The following ANO4 variants were observed in gnomAD, a reference collection of about 807,000 sequenced individuals.
ANO4 encodes anoctamin-4.
In ANO4, 69 loss-of-function variants were observed where a neutral mutation model predicts 141.9. The ratio of observed to expected loss-of-function variants is 0.49; its 90% CI spans 0.40 to 0.59. The LOEUF (loss-of-function observed/expected upper bound fraction) is 0.59, where lower values mean the gene tolerates loss of function less well. Ranked by LOEUF, ANO4 falls within the 20% of genes least tolerant of loss-of-function variation. The probability of loss-of-function intolerance (pLI) is 0.00; values close to 1 mark genes in which losing one functional copy is unlikely to be tolerated. For missense variants in ANO4, 894 were observed against 1,162.2 expected (o/e 0.77, Z 3.36); for synonymous variants, 350 against 394.3 (o/e 0.89, Z 1.33).
At chr12:100,975,995 T>C (rs1169708288) in intron 7 of ANO4, among the ~76,000 whole-genome samples, 1 of 148,588 alleles carries the variant, frequency 6.7e-6, no homozygotes, top group African/African-American at 2.5e-5. Context: ...CTTTGTATCC[T>C]CCGAAAGCTT....
intron 14 of ANO4, among the ~76,000 whole-genome samples, chr12:101,074,141 T>C (rs866883654): frequency 1.3e-5 from 2 of 152,200 alleles, no homozygotes; most frequent in African/African-American, 4.8e-5. Context: ...AATGCCTATG[T>C]TCATTAAGAT....
intron 1 of ANO4, among the ~76,000 whole-genome samples, chr12:100,844,890 A>G (rs1009976266): frequency 6.6e-6 from 1 of 152,068 alleles, no homozygotes; most frequent in Non-Finnish European, 1.5e-5. Flanking sequence ...GAGAGAAGAA[A>G]AGAGGACCCA....
chr12:100,872,886 G>A (rs1334642502), intron 1 of ANO4, among the ~76,000 whole-genome samples: 1 of 152,226 alleles, frequency 6.6e-6, no homozygotes, highest in Non-Finnish European at 1.5e-5. Flanking sequence ...TAATCCCAGT[G>A]TTGGAGGAGG....
At chr12:100,746,606 G>A (rs2032122469) in intron 3 of ANO4, among the ~76,000 whole-genome samples, 1 of 152,142 alleles carries the variant, frequency 6.6e-6, no homozygotes, top group South Asian at 2.1e-4. Flanking sequence ...AGATATTTTT[G>A]GTTGACACAA....
chr12:100,952,861 T>A (rs1385998838), intron 5 of ANO4, among the ~76,000 whole-genome samples: 1 of 152,172 alleles, frequency 6.6e-6, no homozygotes, highest in Non-Finnish European at 1.5e-5. Context: ...TGTTGCCAGG[T>A]CAAGATGACC....
intron 9 of ANO4, among the ~76,000 whole-genome samples, chr12:101,034,340 G>A (rs2047106468): frequency 6.6e-6 from 1 of 152,138 alleles, no homozygotes; most frequent in Non-Finnish European, 1.5e-5. Context: ...CCTATGCAGG[G>A]ACATGTATGA....
At chr12:100,857,832 A>G (rs2038261647) in intron 1 of ANO4, among the ~76,000 whole-genome samples, 1 of 152,158 alleles carries the variant, frequency 6.6e-6, no homozygotes, top group Admixed American at 6.5e-5. Flanking sequence ...CATCACTCTG[A>G]AAGAATTTTC....
intron 2 of ANO4, among the ~76,000 whole-genome samples, chr12:100,918,019 A>G (rs1284132792): frequency 6.6e-6 from 1 of 152,212 alleles, no homozygotes; most frequent in East Asian, 1.9e-4. Flanking sequence ...ACATGTCTTT[A>G]AAGTTATAAA....
intron 5 of ANO4, among the ~76,000 whole-genome samples, chr12:100,945,235 A>G (rs2042677357): frequency 6.6e-6 from 1 of 152,232 alleles, no homozygotes; most frequent in Admixed American, 6.5e-5. Context: ...TAACATCCTT[A>G]TCTCTTTAAC....
chr12:100,736,673 TAGTTA>T lies in ANO4; in HGVS notation c.106+2824_106+2828del, dbSNP rs368903721. On this transcript the variant is annotated intron_variant, in intron 2 of 29. Transcript: ENST00000644049. Reference sequence around the variant, plus strand: ...TTTGGAAATAGGGTCTTTGCAGGTGTAGTTAAGTTAAGATGAGGTCATCTGGACTA... The same window carrying T: ...TTTGGAAATAGGGTCTTTGCAGGTGTAGTTAAGATGAGGTCATCTGGACTA... 1.3e-4 allele frequency among the ~76,000 whole-genome samples: 20 copies of T among 152,182 alleles called. No individual in the cohort carries two copies. The East Asian group carries it at 3.7e-3, about 28-fold the overall frequency.
chr12:101,092,673 T>A lies in ANO4; in HGVS notation c.1702-1583T>A, dbSNP rs528391375. 5.9e-5 allele frequency among the ~76,000 whole-genome samples: 9 copies of A among 152,322 alleles called. No homozygotes were observed. The South Asian group carries it at 1.0e-3, about 18-fold the overall frequency. On this transcript the variant is annotated intron_variant, in intron 17 of 27. Coordinates refer to ENST00000392977, the MANE Select transcript of ANO4 (RefSeq NM_001286615.2). The stretch of plus-strand genomic sequence containing the variant: ...TACTGTGTCCCTGTATGCTTTACCT[T>A]ATTTTTCACAAGGTTAATATTACTC...
intron 7 of ANO4, among the ~76,000 whole-genome samples, chr12:100,975,107 G>A (rs980875397): frequency 6.6e-6 from 1 of 152,016 alleles, no homozygotes; most frequent in Non-Finnish European, 1.5e-5. Context: ...TTCCCACTTG[G>A]GGGGATTGCC....
At chr12:100,909,211 A>G (rs528254912) in intron 2 of ANO4, among the ~76,000 whole-genome samples, 1 of 152,336 alleles carries the variant, frequency 6.6e-6, no homozygotes, top group East Asian at 1.9e-4. Flanking sequence ...CTATTTGACT[A>G]TCTGGAATGA....
intron 1 of ANO4, among the ~76,000 whole-genome samples, chr12:100,723,377 C>G (rs116752519): frequency 6.6e-6 from 1 of 152,044 alleles, no homozygotes; most frequent in South Asian, 2.1e-4. Flanking sequence ...GGCCTGTTTC[C>G]TGGCTTGTAG....
chr12:100,736,544 G>T (rs1344276314), intron 2 of ANO4, among the ~76,000 whole-genome samples: 3 of 152,116 alleles, frequency 2.0e-5, no homozygotes, highest in African/African-American at 7.2e-5. Flanking sequence ...GGCCTTCCCT[G>T]GTCCAGTCAG....
At chr12:101,121,017 T>A (rs1216214233) in intron 26 of ANO4, among the ~76,000 whole-genome samples, 1 of 152,184 alleles carries the variant, frequency 6.6e-6, no homozygotes, top group Non-Finnish European at 1.5e-5. Flanking sequence ...GGACCATAAT[T>A]TGGAAACATT....
chr12:100,725,482 G>T (rs983250145), intron 1 of ANO4, among the ~76,000 whole-genome samples: 3 of 151,912 alleles, frequency 2.0e-5, no homozygotes, highest in Non-Finnish European at 4.4e-5. Context: ...GAGTAGCTGG[G>T]ACTACAGGCG....
chr12:100,802,181 G>A (rs773849042), intron 1 of ANO4, among the ~76,000 whole-genome samples: 1 of 152,138 alleles, frequency 6.6e-6, no homozygotes, highest in Non-Finnish European at 1.5e-5. Context: ...GGTCTTTGGT[G>A]CTGTATTTCT....
intron 3 of ANO4, among the ~76,000 whole-genome samples, chr12:100,929,493 C>T (rs1440494626): frequency 6.6e-6 from 1 of 152,038 alleles, no homozygotes; most frequent in African/African-American, 2.4e-5. Context: ...ATATGTACCA[C>T]CATTTTCTTT....
Sources: allele counts gnomAD v4.1 joint callset (sites outside exome capture counted in the v4.1 genomes callset), GRCh38; gene constraint gnomAD v4.1.1; transcripts MANE v1.5; gene names NCBI Gene and HGNC (gene_info 2026-07-23, HGNC 2026-07-21).